TCERG1L: variants seen among roughly 807,000 people sequenced by gnomAD.
TCERG1L encodes the protein transcription elongation regulator 1-like protein.
In TCERG1L, 37 loss-of-function variants were observed where a neutral mutation model predicts 56.3. The observed-to-expected ratio is 0.66, with a 90% CI of 0.51 to 0.87. TCERG1L has a LOEUF of 0.87. Among genes scored for constraint, TCERG1L ranks in the 40% least tolerant of loss-of-function variants. The pLI is 0.00. For missense variants in TCERG1L, 799 were observed against 774.2 expected (o/e 1.03, Z -0.38); for synonymous variants, 324 against 326.3 (o/e 0.99, Z 0.08).
At chr10:131,251,865 G>A (rs1846114716) in intron 4 of TCERG1L, among the ~76,000 whole-genome samples, 1 of 152,142 alleles carries the variant, frequency 6.6e-6, no homozygotes, top group South Asian at 2.1e-4. Context: ...AACGCCAGCC[G>A]TCACCACCAT....
chr10:131,209,981 G>A (rs562423808), intron 4 of TCERG1L, among the ~76,000 whole-genome samples: 151 of 152,214 alleles, frequency 9.9e-4, no homozygotes, highest in African/African-American at 3.4e-3. Context: ...TTTTGATGCC[G>A]TCGTAATTTC....
At chr10:131,253,849 G>A (rs577426246) in intron 4 of TCERG1L, among the ~76,000 whole-genome samples, 1 of 152,252 alleles carries the variant, frequency 6.6e-6, no homozygotes, top group East Asian at 1.9e-4. Flanking sequence ...GGGCCTCAGT[G>A]GTGAATAGAT....
chr10:131,130,324 C>T (rs1250054177), intron 8 of TCERG1L, among the ~76,000 whole-genome samples: 4 of 152,122 alleles, frequency 2.6e-5, no homozygotes, highest in Admixed American at 6.5e-5. Flanking sequence ...TCTCATGACA[C>T]GTGGCAATTA....
rs780816541 is a variant in TCERG1L at position 131,267,464 on chromosome 10, C to T, written c.671-7020G>A. Among the ~76,000 whole-genome samples the T allele has an allele frequency of 6.6e-6, 1 of 152,234 alleles. No homozygotes were observed. The highest frequency in any genetic ancestry group is 2.4e-5 in the African/African-American group (1 of 41,454). On this transcript the variant is annotated intron_variant, in intron 3 of 11. Transcript: ENST00000368642. This position sits in a 1 kb window ranked among gnomAD's most constrained non-coding sequence, Gnocchi z 4.9. The stretch of plus-strand genomic sequence containing the variant: ...CTGAGCCTCGGCAGCTCCCACACTG[C>T]CAACTTGAGGGGGGTCATGGCTCCT...
intron 4 of TCERG1L, among the ~76,000 whole-genome samples, chr10:131,249,501 G>A (rs1846082031): frequency 1.3e-5 from 2 of 152,232 alleles, no homozygotes; most frequent in Non-Finnish European, 2.9e-5. Context: ...GCATCCCTGA[G>A]TCCCTGGAGG....
chr10:131,278,504 AT>A lies in TCERG1L; in HGVS notation c.671-18061del, dbSNP rs1004262450. Among the ~76,000 whole-genome samples the A allele has an allele frequency of 3.4e-4, 50 of 147,636 alleles. 1 individual carries two copies. Among genetic ancestry groups the A allele is most frequent in the South Asian group, 6.5e-4 (3 of 4,616 alleles). On this transcript the variant is annotated intron_variant, in intron 3 of 11. Transcript: ENST00000368642. The stretch of plus-strand genomic sequence containing the variant: ...AGGTGCCCACCACGATGCCCAGCTA[AT>A]TTTTTTTTTGTATTGTTAGTAGAGA...
chr10:131,261,106 C>T (rs7082493), intron 3 of TCERG1L, among the ~76,000 whole-genome samples: 3,315 of 152,272 alleles, frequency 0.022, 120 homozygotes, highest in African/African-American at 0.075. Context: ...CAGCGTGGGT[C>T]GCTCCTTGAG....
At chr10:131,279,091 G>T (rs1214712299) in intron 3 of TCERG1L, among the ~76,000 whole-genome samples, 2 of 152,200 alleles carry the variant, frequency 1.3e-5, no homozygotes, top group African/African-American at 4.8e-5. Context: ...CAGCCTCACA[G>T]CTGCGTGTGC....
In TCERG1L at chr10:131,103,667, G is replaced by A. The variant is rs986731281; in HGVS notation, c.1485+598C>T. ...GATTGCACCACTGTACTCCAGCCTG[G>A]GCAACAGAGTCAGATCCTGTCTAAA... On this transcript the variant is annotated intron_variant, in intron 10 of 11. Coordinates refer to ENST00000368642, the MANE Select transcript of TCERG1L (RefSeq NM_174937.4). The surrounding 1 kb of genome is among the most constrained non-coding windows in gnomAD (Gnocchi z 4.3). Among the ~76,000 whole-genome samples the A allele has an allele frequency of 1.3e-5, 2 of 152,086 alleles. No homozygotes were observed. Among genetic ancestry groups the A allele is most frequent in the African/African-American group, 4.8e-5 (2 of 41,412 alleles).
At chr10:131,287,534 TG>T (rs1174950010) in intron 3 of TCERG1L, among the ~76,000 whole-genome samples, 1 of 152,206 alleles carries the variant, frequency 6.6e-6, no homozygotes, top group Non-Finnish European at 1.5e-5. Flanking sequence ...CCAGTGGGTC[TG>T]GGGACATAAC....
intron 4 of TCERG1L, among the ~76,000 whole-genome samples, chr10:131,184,031 T>C (rs1408712424): frequency 6.6e-6 from 1 of 152,170 alleles, no homozygotes; most frequent in East Asian, 1.9e-4. Flanking sequence ...CCCACCATAT[T>C]CTCTGTCACT....
intron 4 of TCERG1L, among the ~76,000 whole-genome samples, chr10:131,223,185 C>T (rs183153847): frequency 4.3e-4 from 65 of 152,360 alleles, no homozygotes; most frequent in African/African-American, 1.4e-3. Context: ...AGATCTGCCA[C>T]CTGCACCAGC....
At chr10:131,236,170 C>T (rs34476920) in intron 4 of TCERG1L, among the ~76,000 whole-genome samples, 20 of 152,212 alleles carry the variant, frequency 1.3e-4, no homozygotes, top group Non-Finnish European at 1.8e-4. Context: ...CTTAGCCTTT[C>T]GATCTTGTTA....
intron 4 of TCERG1L, among the ~76,000 whole-genome samples, chr10:131,201,175 C>A (rs1221294475): frequency 6.6e-6 from 1 of 152,190 alleles, no homozygotes; most frequent in Non-Finnish European, 1.5e-5. Context: ...GAGAGTCAGG[C>A]CCACCACCCG....
intron 4 of TCERG1L, among the ~76,000 whole-genome samples, chr10:131,177,896 G>A (rs1321249013): frequency 6.6e-6 from 1 of 150,806 alleles, no homozygotes; most frequent in Admixed American, 6.6e-5. Context: ...CGCTCGCACT[G>A]CACACAGGAG....
At chr10:131,150,474 G>A (rs1363463710) in intron 6 of TCERG1L, among the ~76,000 whole-genome samples, 1 of 152,234 alleles carries the variant, frequency 6.6e-6, no homozygotes, top group Non-Finnish European at 1.5e-5. Flanking sequence ...CAGACTGGCT[G>A]AGTGGCCCCA....
rs760176381 is a variant in TCERG1L at position 131,116,909 on chromosome 10, G to T, written c.1285C>A (p.Pro429Thr). The T allele has an allele frequency of 6.2e-7, 1 of 1,607,496 alleles. No individual in the cohort carries two copies. The highest frequency in any genetic ancestry group is 1.3e-5 in the African/African-American group (1 of 74,940). ...NRTEGCGSPKPEEAKREDKGT... is the reference protein window; with the variant it reads ...NRTEGCGSPKTEEAKREDKGT... The stretch of plus-strand genomic sequence containing the variant: ...TTGTCCTCTCTCTTTGCCTCCTCTG[G>T]CTTGGGACTCCCGCAGCCTTCGGTC... Residue 429 changes from proline to threonine, a missense_variant, in exon 9 of 12, where the codon CCA becomes ACA. Coordinates refer to ENST00000368642, the MANE Select transcript of TCERG1L (RefSeq NM_174937.4).
Position 131,092,927 on chromosome 10 carries a change from CAATT to C in TCERG1L, c.*231_*234del, listed in dbSNP as rs1411949585. 49 of 446,290 alleles carry C rather than the reference CAATT, an allele frequency of 1.1e-4. No individual in the cohort carries two copies. The highest frequency in any genetic ancestry group is 4.7e-4 in the East Asian group (13 of 27,552). The allele number at this position is 446,290 out of a possible 1,614,324, so 27.6% of individuals were successfully genotyped here. A position where few individuals can be genotyped will look rare whatever the true frequency, so the allele number is the denominator to read the frequency against. On this transcript the variant is annotated 3_prime_UTR_variant, in exon 12 of 12. Coordinates refer to ENST00000368642, the MANE Select transcript of TCERG1L (RefSeq NM_174937.4). Reference sequence around the variant, plus strand: ...TTACAAGTAATTTGCATAATTAAAACAATTAAGGGATCGACGTATCACGGTGATT... The same window carrying C: ...TTACAAGTAATTTGCATAATTAAAACAAGGGATCGACGTATCACGGTGATT...
chr10:131,197,549 T>C (rs896820788), intron 4 of TCERG1L, among the ~76,000 whole-genome samples: 1 of 151,974 alleles, frequency 6.6e-6, no homozygotes, highest in African/African-American at 2.4e-5. Context: ...AAACACAAAA[T>C]GCAAGAAATT....
Sources: gnomAD v4.1 joint callset for allele counts (sites outside exome capture counted in the v4.1 genomes callset) on GRCh38, gnomAD v4.1.1 for gene constraint, Gnocchi (gnomAD v3.1) non-coding constraint, MANE v1.5 for transcripts, NCBI Gene and HGNC (gene_info 2026-07-23, HGNC 2026-07-21) for gene names.